CNTN5: variants seen among roughly 807,000 people sequenced by gnomAD.
CNTN5 encodes contactin 5.
CNTN5 carries 77 observed loss-of-function variants against 129.1 expected under a neutral mutation model. The ratio of observed to expected loss-of-function variants is 0.60; its 90% CI spans 0.50 to 0.72. The LOEUF is 0.72. Among genes scored for constraint, CNTN5 ranks in the 30% least tolerant of loss-of-function variants. The probability of loss-of-function intolerance (pLI) is 0.00; values close to 1 mark genes in which losing one functional copy is unlikely to be tolerated. For missense variants in CNTN5, 1,478 were observed against 1,328.8 expected (o/e 1.11, Z -1.75); for synonymous variants, 509 against 465.6 (o/e 1.09, Z -1.20).
At chr11:100,131,628 G>A (rs982241133) in intron 13 of CNTN5, among the ~76,000 whole-genome samples, 4 of 151,766 alleles carry the variant, frequency 2.6e-5, no homozygotes, top group Non-Finnish European at 5.9e-5. Context: ...AAAGCCCACT[G>A]CCTAAAAATG....
At chr11:99,660,221 GA>G (rs1451159496) in intron 3 of CNTN5, among the ~76,000 whole-genome samples, 5 of 151,906 alleles carry the variant, frequency 3.3e-5, no homozygotes, top group Non-Finnish European at 5.9e-5. Flanking sequence ...CTTCATAAGT[GA>G]AAAAAATTAT....
At chr11:99,767,188 A>T (rs575384655) in intron 3 of CNTN5, among the ~76,000 whole-genome samples, 1 of 152,254 alleles carries the variant, frequency 6.6e-6, no homozygotes, top group African/African-American at 2.4e-5. Flanking sequence ...CATGTATAAC[A>T]TATATGCACC....
chr11:99,742,656 G>C (rs1449372169), intron 3 of CNTN5, among the ~76,000 whole-genome samples: 3 of 152,072 alleles, frequency 2.0e-5, no homozygotes, highest in African/African-American at 7.2e-5. Context: ...GAAAGTATTA[G>C]AGACTTGTGC....
intron 2 of CNTN5, among the ~76,000 whole-genome samples, chr11:99,381,092 A>G (rs1415862509): frequency 1.3e-5 from 2 of 152,184 alleles, no homozygotes; most frequent in East Asian, 1.9e-4. Context: ...CCAAGTTTAC[A>G]ACTGCTTGTC....
intron 3 of CNTN5, among the ~76,000 whole-genome samples, chr11:99,775,734 C>T (rs1303776009): frequency 3.3e-5 from 5 of 151,768 alleles, no homozygotes; most frequent in East Asian, 1.9e-4. Flanking sequence ...TTTGTACTCA[C>T]GTTATGATAA....
At chr11:99,256,926 A>C (rs1862401825) in intron 1 of CNTN5, among the ~76,000 whole-genome samples, 1 of 152,144 alleles carries the variant, frequency 6.6e-6, no homozygotes, top group African/African-American at 2.4e-5. Flanking sequence ...CACATATTCC[A>C]AGATAGATGC....
intron 2 of CNTN5, among the ~76,000 whole-genome samples, chr11:99,355,419 A>G (rs528052132): frequency 1.1e-4 from 16 of 152,288 alleles, no homozygotes; most frequent in Admixed American, 9.8e-4. Context: ...CCAGTTTCAC[A>G]TGAGACCCCA....
intron 2 of CNTN5, among the ~76,000 whole-genome samples, chr11:99,404,952 T>G (rs773848223): frequency 6.6e-6 from 1 of 152,206 alleles, no homozygotes; most frequent in South Asian, 2.1e-4. Context: ...AAAGCCTTTA[T>G]GTCTCTCTCA....
chr11:99,897,978 AAGC>A (rs1949252469), intron 6 of CNTN5, among the ~76,000 whole-genome samples: 2 of 152,260 alleles, frequency 1.3e-5, no homozygotes, highest in Admixed American at 1.3e-4. Flanking sequence ...AAACAAGAAA[AAGC>A]AGGTTGAACA....
Position 99,133,769 on chromosome 11 carries a change from G to A in CNTN5, c.-210+112499G>A, listed in dbSNP as rs181586173. 7.9e-5 allele frequency among the ~76,000 whole-genome samples: 12 copies of A among 152,288 alleles called. No individual in the cohort carries two copies. The East Asian group carries it at 2.3e-3, about 29-fold the overall frequency. On this transcript the variant is annotated intron_variant, in intron 1 of 24. Coordinates refer to ENST00000524871, the MANE Select transcript of CNTN5 (RefSeq NM_014361.4). Reference sequence around the variant, plus strand: ...AAGTCAAGAAACAACAGATGCTGGTGAGGTCGTGGAGAAATAGGAATGCTT... The same window carrying A: ...AAGTCAAGAAACAACAGATGCTGGTAAGGTCGTGGAGAAATAGGAATGCTT...
intron 2 of CNTN5, among the ~76,000 whole-genome samples, chr11:99,338,539 C>A (rs948591103): frequency 1.3e-5 from 2 of 151,992 alleles, no homozygotes; most frequent in Non-Finnish European, 2.9e-5. Context: ...TATTTTGTTG[C>A]TATTTTTAAC....
At chr11:99,163,484 C>G (rs977972036) in intron 1 of CNTN5, among the ~76,000 whole-genome samples, 2 of 151,856 alleles carry the variant, frequency 1.3e-5, no homozygotes, top group Non-Finnish European at 2.9e-5. Context: ...TTCTGTTTTT[C>G]AATTAACACT....
chr11:99,848,490 G>A (rs1036226931), intron 6 of CNTN5, among the ~76,000 whole-genome samples: 4 of 151,978 alleles, frequency 2.6e-5, no homozygotes, highest in Non-Finnish European at 4.4e-5. Flanking sequence ...CTGAGATAAT[G>A]ATTAAAGCAT....
chr11:99,981,107 C>A (rs28404036), intron 8 of CNTN5, among the ~76,000 whole-genome samples: 1 of 8,262 alleles, frequency 1.2e-4, no homozygotes, highest in South Asian at 3.1e-3. Context: ...TATATATACA[C>A]ACACACACAC....
chr11:99,106,130 T>C (rs1016342050), intron 1 of CNTN5, among the ~76,000 whole-genome samples: 4 of 152,056 alleles, frequency 2.6e-5, no homozygotes, highest in African/African-American at 9.7e-5. Context: ...GAAAGAGACA[T>C]AGTTTAAAGT....
At chr11:99,338,919 GATATATATATATATAT>G (rs10534485) in intron 2 of CNTN5, among the ~76,000 whole-genome samples, 7 of 126,962 alleles carry the variant, frequency 5.5e-5, no homozygotes, top group Admixed American at 1.6e-4. Flanking sequence ...TTCATTCACA[GATATATATATATATAT>G]ATATATATAT....
chr11:99,684,563 A>G (rs889604024), intron 3 of CNTN5, among the ~76,000 whole-genome samples: 4 of 151,840 alleles, frequency 2.6e-5, no homozygotes, highest in Non-Finnish European at 5.9e-5. Context: ...CTCTTTCTGA[A>G]TCTTTGTTAA....
intron 8 of CNTN5, among the ~76,000 whole-genome samples, chr11:99,979,735 C>T (rs1426817544): frequency 1.3e-5 from 2 of 152,122 alleles, no homozygotes; most frequent in Non-Finnish European, 2.9e-5. Context: ...TAAATAGCAA[C>T]CCAACCACTA....
chr11:99,970,419 C>A (rs1002722670), intron 8 of CNTN5, among the ~76,000 whole-genome samples: 1 of 152,140 alleles, frequency 6.6e-6, no homozygotes, highest in African/African-American at 2.4e-5. Flanking sequence ...GTTTAAAATA[C>A]ATTGGTCACA....
Sources: allele counts gnomAD v4.1 joint callset (sites outside exome capture counted in the v4.1 genomes callset), GRCh38; gene constraint gnomAD v4.1.1; transcripts MANE v1.5; gene names NCBI Gene and HGNC (gene_info 2026-07-23, HGNC 2026-07-21).